The following SGK1 variants were observed in gnomAD, a reference collection of about 807,000 sequenced individuals.
SGK1 encodes the protein serine/threonine-protein kinase Sgk1.
Under a neutral mutation model 64.2 loss-of-function variants are expected in SGK1, and 26 were observed. The observed-to-expected ratio is 0.40, with a 90% CI of 0.30 to 0.56. The LOEUF is 0.56. Ranked by LOEUF, SGK1 falls within the 20% of genes least tolerant of loss-of-function variation. SGK1 has a pLI of 0.38. For synonymous variants in SGK1, 265 were observed against 239.7 expected (o/e 1.11, Z -0.98); for missense variants, 519 against 645.6 (o/e 0.80, Z 2.12).
intron 1 of SGK1, among the ~76,000 whole-genome samples, chr6:134,266,869 T>C (rs1354774194): frequency 6.6e-6 from 1 of 152,212 alleles, no homozygotes; most frequent in African/African-American, 2.4e-5. Flanking sequence ...AGATGGATAA[T>C]GTTTTTTATT....
chr6:134,225,806 T>C (rs1776166104), intron 2 of SGK1, among the ~76,000 whole-genome samples: 1 of 151,846 alleles, frequency 6.6e-6, no homozygotes. Context: ...GGGCCAGGCA[T>C]GGTGACCTGT....
At chr6:134,208,877 T>TAC (rs1435783291) in intron 2 of SGK1, among the ~76,000 whole-genome samples, 8 of 96,972 alleles carry the variant, frequency 8.2e-5, no homozygotes, top group South Asian at 9.5e-4. Context: ...TATATGCATA[T>TAC]ACATACATGT....
At chr6:134,176,314 A>C (rs1002140973) in intron 3 of SGK1, among the ~76,000 whole-genome samples, 1 of 152,196 alleles carries the variant, frequency 6.6e-6, no homozygotes, top group Non-Finnish European at 1.5e-5. Flanking sequence ...CTCGCTCTTT[A>C]TGTGAGTCCC....
intron 1 of SGK1, among the ~76,000 whole-genome samples, chr6:134,267,135 C>T (rs184822157): frequency 4.6e-5 from 7 of 152,012 alleles, no homozygotes; most frequent in Non-Finnish European, 8.8e-5. Flanking sequence ...CCTGAACACC[C>T]GCACTCTAGA....
rs1776339872 is a variant in SGK1 at position 134,234,906 on chromosome 6, G to A, written c.285+27027C>T. ...ATAGATAAATAAATAAGACTAATTG[G>A]AAAACTTGGAAATTATTTAGAAGAC... On this transcript the variant is annotated intron_variant, in intron 2 of 13. Transcript: ENST00000367858. Among the ~76,000 whole-genome samples, 3 of 152,066 alleles carry A rather than the reference G, an allele frequency of 2.0e-5. No homozygotes were observed. The South Asian group carries it at 6.2e-4, about 31-fold the overall frequency.
chr6:134,176,907 C>T (rs1008901748), intron 3 of SGK1, among the ~76,000 whole-genome samples: 22 of 152,268 alleles, frequency 1.4e-4, no homozygotes, highest in Middle Eastern at 3.4e-3. Flanking sequence ...TTGCTCAGTG[C>T]CCACACTTAT....
At position 134,296,861 on chromosome 6, in the gene SGK1, C is replaced by T. The variant is rs141935455; in HGVS notation, c.69+20531G>A. On this transcript the variant is annotated intron_variant, in intron 1 of 13. Coordinates refer to ENST00000367858, the MANE Select transcript of SGK1 (RefSeq NM_001143676.3). ...GGGGGTCCCCAAGCAGTAAACTTCCCCGCACGTGGGCTGAGGGCTAGGACT... is the reference window on the plus strand; with the variant it reads ...GGGGGTCCCCAAGCAGTAAACTTCCTCGCACGTGGGCTGAGGGCTAGGACT... 965 of 192,826 alleles carry T rather than the reference C, an allele frequency of 5.0e-3. 5 individuals are homozygous for T. Among genetic ancestry groups the T allele is most frequent in the Non-Finnish European group, 8.7e-3 (800 of 92,344 alleles). The allele number at this position is 192,826 out of a possible 1,614,324, so 11.9% of individuals were successfully genotyped here.
At chr6:134,175,146 G>A (rs1775188840) in intron 3 of SGK1, among the ~76,000 whole-genome samples, 1 of 152,124 alleles carries the variant, frequency 6.6e-6, no homozygotes, top group African/African-American at 2.4e-5. Flanking sequence ...GCCGGCGGAG[G>A]GCGCGGGGAG....
intron 1 of SGK1, chr6:134,297,745 C>G: frequency 2.1e-6 from 1 of 474,848 alleles, no homozygotes; most frequent in Non-Finnish European, 3.9e-6. Context: ...TCGTGATCAG[C>G]CTGCCTCGGC....
intron 3 of SGK1, among the ~76,000 whole-genome samples, chr6:134,184,331 T>A (rs547573851): frequency 6.6e-6 from 1 of 151,736 alleles, no homozygotes; most frequent in South Asian, 2.1e-4. Context: ...ACCCCGTCCC[T>A]ACTTAAAAAA....
intron 2 of SGK1, among the ~76,000 whole-genome samples, chr6:134,212,880 TGAGGC>T (rs1283027368): frequency 6.6e-6 from 1 of 152,218 alleles, no homozygotes; most frequent in South Asian, 2.1e-4. Flanking sequence ...CTTGTTTCCT[TGAGGC>T]TTTCGTATGA....
intron 1 of SGK1, among the ~76,000 whole-genome samples, chr6:134,307,468 T>C (rs926662021): frequency 1.2e-4 from 19 of 152,200 alleles, no homozygotes; most frequent in African/African-American, 4.6e-4. Flanking sequence ...GGGGGATTGA[T>C]TCCAGGACCC....
At chr6:134,198,718 C>CTTTTTTTTT (rs1167394718) in intron 3 of SGK1, among the ~76,000 whole-genome samples, 1 of 105,406 alleles carries the variant, frequency 9.5e-6, no homozygotes, top group African/African-American at 3.7e-5. Flanking sequence ...TTCTTTTTCT[C>CTTTTTTTTT]TTTTTCTATT....
intron 1 of SGK1, among the ~76,000 whole-genome samples, chr6:134,309,294 G>A (rs1323150444): frequency 6.6e-6 from 1 of 152,190 alleles, no homozygotes; most frequent in Non-Finnish European, 1.5e-5. Context: ...TTCTCCACAT[G>A]CCATGGCAGC....
At chr6:134,202,534 G>T (rs147189404) in intron 3 of SGK1, among the ~76,000 whole-genome samples, 1 of 152,018 alleles carries the variant, frequency 6.6e-6, no homozygotes, top group South Asian at 2.1e-4. Flanking sequence ...CCAGCTACTT[G>T]GGAGGCTGAG....
intron 1 of SGK1, among the ~76,000 whole-genome samples, chr6:134,302,181 A>G (rs1452946041): frequency 6.6e-6 from 1 of 152,228 alleles, no homozygotes; most frequent in Non-Finnish European, 1.5e-5. Flanking sequence ...AATTGATTAA[A>G]TTAGGTCAAA....
At chr6:134,260,119 T>A (rs1776741360) in intron 2 of SGK1, 1 of 152,082 alleles carries the variant, frequency 6.6e-6, no homozygotes, top group Non-Finnish European at 1.5e-5. Context: ...TTTGGGAGGA[T>A]CACTTGAAGC....
intron 2 of SGK1, among the ~76,000 whole-genome samples, chr6:134,251,754 T>A (rs991430542): frequency 1.3e-5 from 2 of 152,150 alleles, no homozygotes; most frequent in African/African-American, 4.8e-5. Flanking sequence ...TGTCTCTCTG[T>A]TTAAAATTTA....
chr6:134,176,758 G>C (rs1775244270), intron 3 of SGK1, among the ~76,000 whole-genome samples: 1 of 152,152 alleles, frequency 6.6e-6, no homozygotes, highest in South Asian at 2.1e-4. Flanking sequence ...CTTGGGCAGG[G>C]GTTTGTTTTG....
Sources: gnomAD v4.1 joint callset for allele counts (sites outside exome capture counted in the v4.1 genomes callset) on GRCh38, gnomAD v4.1.1 for gene constraint, MANE v1.5 for transcripts, NCBI Gene and HGNC (gene_info 2026-07-23, HGNC 2026-07-21) for gene names.